Variants in ATP11A observed in about 807,000 individuals in gnomAD.
ATP11A encodes ATPase phospholipid transporting 11A, also known as phospholipid-transporting ATPase IH.
A neutral mutation model predicts 154.4 loss-of-function variants in ATP11A; 81 were observed. The observed-to-expected ratio is 0.52, with a 90% CI of 0.44 to 0.63. The LOEUF is 0.63. Ranked by LOEUF, ATP11A falls within the 30% of genes least tolerant of loss-of-function variation. The pLI is 0.00. For synonymous variants in ATP11A, 623 were observed against 585.9 expected, an observed-to-expected ratio of 1.06 and a Z score of -0.91; for missense variants, 1,316 against 1,474.3, an observed-to-expected ratio of 0.89 and a Z score of 1.76.
intron 1 of ATP11A, among the ~76,000 whole-genome samples, chr13:112,723,508 G>A (rs140599539): frequency 0.042 from 6,328 of 150,022 alleles, 465 homozygotes; most frequent in African/African-American, 0.15. Context: ...CTAACCTCAG[G>A]TGATCCGCCT....
Position 112,859,359 on chromosome 13 carries a change from G to T in ATP11A, c.2668-34G>T. 3 of 1,602,604 alleles carry T rather than the reference G, an allele frequency of 1.9e-6. No individual in the cohort carries two copies. Among genetic ancestry groups the T allele is most frequent in the South Asian group, 1.1e-5 (1 of 90,834 alleles). On this transcript the variant is annotated intron_variant, in intron 22 of 29. Transcript: ENST00000375645. The surrounding 1 kb of genome is among the most constrained non-coding windows in gnomAD (Gnocchi z 4.3). ...GGTGGCGGCTGCCTCCCTCTGTCCC[G>T]TCACCGAACTAACAGTTATGCCTTG...
At chr13:112,851,971 A>G (rs1006682609) in intron 18 of ATP11A, 18 of 152,382 alleles carry the variant, frequency 1.2e-4, no homozygotes, top group African/African-American at 4.1e-4. Context: ...AGAAAATTAC[A>G]AAAACTAATA....
intron 25 of ATP11A, among the ~76,000 whole-genome samples, chr13:112,863,420 G>GCA (rs2080190436): frequency 2.7e-5 from 4 of 148,466 alleles, no homozygotes; most frequent in African/African-American, 9.9e-5. Context: ...CAGTAATTCA[G>GCA]TGCAGGCCCT....
chr13:112,816,595 G>T (rs529147412), intron 6 of ATP11A, among the ~76,000 whole-genome samples: 11 of 152,042 alleles, frequency 7.2e-5, no homozygotes, highest in East Asian at 1.9e-4. Context: ...AGCCCAGCAC[G>T]CTCTTGTCCA....
At chr13:112,764,681 C>A (rs1057336147) in intron 1 of ATP11A, among the ~76,000 whole-genome samples, 1 of 152,222 alleles carries the variant, frequency 6.6e-6, no homozygotes, top group South Asian at 2.1e-4. Flanking sequence ...ATTAAGTCAC[C>A]GCATTCAAAG....
In ATP11A at chr13:112,785,650, C is replaced by T. The variant is rs933898770; in HGVS notation, c.162+393C>T. ...AAGGTAGAAACGATACCAGCCACCC[C>T]GGAGAAAGAGCCAACAAACGCAGGC... On this transcript the variant is annotated intron_variant, in intron 2 of 29. Transcript: ENST00000375645. This position sits in a 1 kb window ranked among gnomAD's most constrained non-coding sequence, Gnocchi z 4.8. Among the ~76,000 whole-genome samples, 7 of 152,144 alleles carry T rather than the reference C, an allele frequency of 4.6e-5. No homozygotes were observed. The highest frequency in any genetic ancestry group is 8.8e-5 in the Non-Finnish European group (6 of 68,040).
At position 112,859,977 on chromosome 13, in the gene ATP11A, G is replaced by A. The variant is rs1185539507; in HGVS notation, c.2728-310G>A. Among the ~76,000 whole-genome samples the A allele has an allele frequency of 2.0e-5, 3 of 152,154 alleles. No individual in the cohort carries two copies. Among genetic ancestry groups the A allele is most frequent in the East Asian group, 1.9e-4 (1 of 5,188 alleles). ...AGCTGCCTTCATGGGAAGTGACTGC[G>A]ACCAGAGTCACTGAAGCTTGAAGAT... is the stretch of plus-strand genomic sequence containing the variant. On this transcript the variant is annotated intron_variant, in intron 23 of 29. Coordinates refer to ENST00000375645, the MANE Select transcript of ATP11A (RefSeq NM_015205.3). This position sits in a 1 kb window ranked among gnomAD's most constrained non-coding sequence, Gnocchi z 4.3.
At position 112,825,596 on chromosome 13, in the gene ATP11A, G is replaced by T; in HGVS notation, c.1023+16G>T. The T allele has an allele frequency of 6.2e-7, 1 of 1,605,992 alleles. No homozygotes were observed. Among genetic ancestry groups the T allele is most frequent in the Admixed American group, 1.7e-5 (1 of 58,736 alleles). On this transcript the variant is annotated intron_variant, in intron 11 of 29. Coordinates refer to ENST00000375645, the MANE Select transcript of ATP11A (RefSeq NM_015205.3). Reference sequence around the variant, plus strand: ...GAGGAATCTGGTATGGAGAATCACTGCCCTTGTATGATCCGAGGTGACCTG... The same window carrying T: ...GAGGAATCTGGTATGGAGAATCACTTCCCTTGTATGATCCGAGGTGACCTG...
chr13:112,706,189 T>C (rs1338654444), intron 1 of ATP11A, among the ~76,000 whole-genome samples: 4 of 152,228 alleles, frequency 2.6e-5, no homozygotes, highest in Non-Finnish European at 5.9e-5. Flanking sequence ...TAGGAGGATT[T>C]TTTTCTTTTA....
intron 15 of ATP11A, among the ~76,000 whole-genome samples, chr13:112,835,424 G>A (rs945528135): frequency 2.6e-5 from 4 of 152,208 alleles, no homozygotes; most frequent in African/African-American, 7.2e-5. Flanking sequence ...TTGATTCGGC[G>A]GGGCTCCTGG....
At chr13:112,781,106 TC>T (rs1258203225) in intron 1 of ATP11A, among the ~76,000 whole-genome samples, 3 of 152,150 alleles carry the variant, frequency 2.0e-5, no homozygotes, top group Non-Finnish European at 4.4e-5. Flanking sequence ...AGAGGCGCCA[TC>T]TTGTCACTGC....
chr13:112,723,893 G>A lies in ATP11A; in HGVS notation c.39+33438G>A, dbSNP rs188936877. On this transcript the variant is annotated intron_variant, in intron 1 of 29. Coordinates refer to ENST00000375645, the MANE Select transcript of ATP11A (RefSeq NM_015205.3). ...TCGCCCGAAACCCGGAGGCCCTCAG[G>A]GCCTGTGGATTCCCGGGAACGCTCG... 2.8e-3 allele frequency among the ~76,000 whole-genome samples: 423 copies of A among 152,076 alleles called. 1 individual carries two copies. Among genetic ancestry groups the A allele is most frequent in the Non-Finnish European group, 4.4e-3 (297 of 68,008 alleles).
intron 1 of ATP11A, among the ~76,000 whole-genome samples, chr13:112,709,900 C>A (rs553994429): frequency 6.6e-6 from 1 of 152,378 alleles, no homozygotes; most frequent in African/African-American, 2.4e-5. Context: ...ATAGGAGCTG[C>A]GCCCATGAGG....
intron 17 of ATP11A, among the ~76,000 whole-genome samples, chr13:112,844,626 G>A (rs1440203935): frequency 1.3e-5 from 2 of 152,322 alleles, no homozygotes; most frequent in African/African-American, 4.8e-5. Context: ...TCCCATAACT[G>A]CTGAGACTCG....
chr13:112,809,669 G>C (rs1464923795), intron 4 of ATP11A, among the ~76,000 whole-genome samples: 1 of 152,070 alleles, frequency 6.6e-6, no homozygotes, highest in Non-Finnish European at 1.5e-5. Context: ...CGGTGGACGT[G>C]GACGCCCATA....
intron 2 of ATP11A, among the ~76,000 whole-genome samples, chr13:112,799,178 A>G (rs569024966): frequency 3.3e-5 from 5 of 152,366 alleles, no homozygotes; most frequent in Non-Finnish European, 7.3e-5. Flanking sequence ...ATAGAACTGG[A>G]AAGAGAAAGA....
rs1164696229 is a variant in ATP11A, at chr13:112,819,406, A to G, written c.673A>G (p.Lys225Glu). Residue 225 changes from lysine (K) to glutamate (E), a missense_variant and splice_region_variant, in exon 7 of 30, where the codon AAG (lysine) becomes GAG (glutamate). Physicochemically the swap from Lys to Glu is moderately conservative, Grantham distance 56. This residue lies in a region of ATP11A where 876 missense variants were observed against 1,006.8 expected (regional missense o/e 0.87). Coordinates refer to ENST00000375645, the MANE Select transcript of ATP11A (RefSeq NM_015205.3). Reference sequence around the variant, plus strand: ...TGAGCAGCCCCAGCCCGACCTCTACAAGTAAGCGGGAGCTTTGGGTTCTTT... The same window carrying G: ...TGAGCAGCCCCAGCCCGACCTCTACGAGTAAGCGGGAGCTTTGGGTTCTTT... ...ECEQPQPDLYKFVGRINVYSD... is the reference protein window; with the variant it reads ...ECEQPQPDLYEFVGRINVYSD... 7 of 1,614,064 alleles carry G rather than the reference A, an allele frequency of 4.3e-6. No homozygotes were observed. The African/African-American group carries it at 9.3e-5, about 22-fold the overall frequency.
chr13:112,788,206 A>G (rs1277348176), intron 2 of ATP11A, among the ~76,000 whole-genome samples: 1 of 150,004 alleles, frequency 6.7e-6, no homozygotes, highest in Non-Finnish European at 1.5e-5. Context: ...ACTCCTGTGG[A>G]GACCTACTTA....
intron 2 of ATP11A, among the ~76,000 whole-genome samples, chr13:112,789,069 G>A (rs113499656): frequency 0.014 from 2,107 of 151,684 alleles, 57 homozygotes; most frequent in African/African-American, 0.047. Flanking sequence ...GTCCTGATGT[G>A]TAGACCCCTG....
Sources: allele counts gnomAD v4.1 joint callset (sites outside exome capture counted in the v4.1 genomes callset), GRCh38; gene constraint gnomAD v4.1.1; regional missense constraint gnomAD v4.1.1; non-coding constraint Gnocchi (gnomAD v3.1); transcripts MANE v1.5; gene names NCBI Gene and HGNC (gene_info 2026-07-23, HGNC 2026-07-21).